The following PLSCR2 variants were observed in gnomAD, a reference collection of about 807,000 sequenced individuals.
The protein encoded by PLSCR2 is phospholipid scramblase 2, also known as PL scramblase 2.
In PLSCR2, 18 loss-of-function variants were observed where a neutral mutation model predicts 25.3. The ratio of observed to expected loss-of-function variants is 0.71; its 90% CI spans 0.49 to 1.06. The LOEUF (loss-of-function observed/expected upper bound fraction) is 1.06, where lower values mean the gene tolerates loss of function less well. Among genes scored for constraint, PLSCR2 ranks in the 50% least tolerant of loss-of-function variants. The pLI is 0.00. For synonymous variants in PLSCR2, 88 were observed against 87.3 expected (o/e 1.01, Z -0.04); for missense variants, 243 against 269.5 (o/e 0.90, Z 0.69).
At chr3:146,414,390 T>C (rs1219127997) in intron 2 of PLSCR2, among the ~76,000 whole-genome samples, 1 of 152,222 alleles carries the variant, frequency 6.6e-6, no homozygotes, top group Non-Finnish European at 1.5e-5. Flanking sequence ...GGCTAGCATA[T>C]ACCTTGTTTA....
downstream of PLSCR2, among the ~76,000 whole-genome samples, chr3:146,429,109 A>C (rs2039456654): frequency 6.6e-6 from 1 of 152,216 alleles, no homozygotes; most frequent in Non-Finnish European, 1.5e-5. Context: ...TTTATAAAGA[A>C]AAGAGGTTTA....
intron 1 of PLSCR2, among the ~76,000 whole-genome samples, chr3:146,484,887 C>T (rs577842): frequency 0.36 from 54,971 of 151,664 alleles, 10,440 homozygotes; most frequent in African/African-American, 0.49. Context: ...AACTAGTGTC[C>T]AATATAACCA....
rs115345019 is a variant in PLSCR2 at position 146,495,577 on chromosome 3, C to T, written c.-293+318G>A. On this transcript the variant is annotated intron_variant, in intron 1 of 8. Coordinates refer to the PLSCR2 transcript ENST00000336685. ...AATAGACCCCAGAAAGACCCCTCCC[C>T]GCTTCTGCCCTGTGAGGTTACAGTG... 7.1e-3 allele frequency among the ~76,000 whole-genome samples: 1,080 copies of T among 152,222 alleles called. 11 individuals carry two copies. Among genetic ancestry groups the T allele is most frequent in the African/African-American group, 0.025 (1,025 of 41,520 alleles).
At chr3:146,469,420 G>C in intron 1 of PLSCR2, 75 bp downstream of exon 1, 13 of 912,366 alleles carry the variant, frequency 1.4e-5, no homozygotes, top group Non-Finnish European at 1.7e-5. Context: ...CACAATTATG[G>C]GGCGGAGCAT....
chr3:146,472,906 C>A (rs1016687641), intron 1 of PLSCR2, among the ~76,000 whole-genome samples: 7 of 152,232 alleles, frequency 4.6e-5, no homozygotes, highest in African/African-American at 1.4e-4. Context: ...TGAAGCCTCT[C>A]TGGCTTGCAG....
chr3:146,486,090 G>A (rs1158745455), intron 1 of PLSCR2, among the ~76,000 whole-genome samples: 1 of 152,046 alleles, frequency 6.6e-6, no homozygotes, highest in Non-Finnish European at 1.5e-5. Flanking sequence ...TGAAATTAAG[G>A]CAGAAATCAA....
In PLSCR2 at chr3:146,449,439, G is replaced by A. The variant is rs543311785; in HGVS notation, c.484-72C>T. 55 of 995,820 alleles carry A rather than the reference G, an allele frequency of 5.5e-5. No homozygotes were observed. The South Asian group carries it at 8.3e-4, about 15-fold the overall frequency. 61.7% of individuals were successfully genotyped at this position (995,820 alleles called of 1,614,324 possible). A position where few individuals can be genotyped will look rare whatever the true frequency, so the allele number is the denominator to read the frequency against. ...TAGCAAAATTACTTTTAACACTGGAGTAAAAGGAAGGAAATATTATAGTAC... is the reference window on the plus strand; with the variant it reads ...TAGCAAAATTACTTTTAACACTGGAATAAAAGGAAGGAAATATTATAGTAC... On this transcript the variant is annotated intron_variant, in intron 5 of 6. Coordinates refer to ENST00000610787, the Ensembl canonical transcript of PLSCR2.
chr3:146,459,984 T>C lies in PLSCR2; in HGVS notation c.-80A>G. On this transcript the variant is annotated 5_prime_UTR_variant, in exon 2 of 7. The change abolishes an upstream ATG in the 5' untranslated region. Coordinates refer to ENST00000610787, the Ensembl canonical transcript of PLSCR2. Reference sequence around the variant, plus strand: ...GCCAGCAGGTGGGACTAGGTAGTCATGCTGACGTCCTGGGTAGAAGGCCTG... The same window carrying C: ...GCCAGCAGGTGGGACTAGGTAGTCACGCTGACGTCCTGGGTAGAAGGCCTG... 6.2e-7 allele frequency: 1 copy of C among 1,613,690 alleles called. No individual in the cohort carries two copies.
downstream of PLSCR2, among the ~76,000 whole-genome samples, chr3:146,441,024 G>A (rs766184770): frequency 6.6e-5 from 10 of 152,042 alleles, no homozygotes; most frequent in Non-Finnish European, 1.5e-5. Context: ...ATTTTAGAAT[G>A]AGTCTGTCTT....
rs574952288 is a variant in PLSCR2, at chr3:146,412,694, C to G, written c.101-16773G>C. 1.7e-4 allele frequency among the ~76,000 whole-genome samples: 26 copies of G among 152,282 alleles called. 1 individual carries two copies. In the South Asian group the frequency reaches 5.4e-3, roughly 32 times the overall value. On this transcript the variant is annotated intron_variant and NMD_transcript_variant, in intron 2 of 3. Coordinates refer to the PLSCR2 transcript ENST00000463633. ...TGGATAGAGCAATGACAAGAGCACA[C>G]CTGAACAAGGGAGGGGAAGAGGTTC...
chr3:146,412,842 G>T (rs115458938), intron 2 of PLSCR2, among the ~76,000 whole-genome samples: 6,236 of 152,180 alleles, frequency 0.041, 180 homozygotes, highest in Admixed American at 0.088. Flanking sequence ...AGCTGGAGTG[G>T]TGGGGTGAGT....
chr3:146,458,459 A>T lies in PLSCR2; in HGVS notation c.58-6T>A. 6.9e-7 allele frequency: 1 copy of T among 1,444,786 alleles called. No individual in the cohort carries two copies. Among genetic ancestry groups the T allele is most frequent in the Non-Finnish European group, 9.3e-7 (1 of 1,071,914 alleles). The allele number at this position is 1,444,786 out of a possible 1,614,324, so 89.5% of individuals were successfully genotyped here. On this transcript the variant is annotated splice_polypyrimidine_tract_variant and splice_region_variant and intron_variant, in intron 2 of 6. Transcript: ENST00000610787. ...TGAATTAGTATCATATCTATCTATT[A>T]TAGTAAAAAGAAAATGAAGTTGTAT...
chr3:146,493,162 T>TA (rs576928927), intron 1 of PLSCR2, among the ~76,000 whole-genome samples: 171 of 151,986 alleles, frequency 1.1e-3, no homozygotes, highest in Non-Finnish European at 1.5e-3. Context: ...GAATGAGTAA[T>TA]AAAAAACCTA....
At chr3:146,408,094 A>T (rs1415654210) in intron 2 of PLSCR2, among the ~76,000 whole-genome samples, 1 of 152,168 alleles carries the variant, frequency 6.6e-6, no homozygotes, top group Non-Finnish European at 1.5e-5. Flanking sequence ...TCTCTACAGC[A>T]TGAGGAGCCG....
At chr3:146,465,823 T>C (rs1050108574) in intron 1 of PLSCR2, among the ~76,000 whole-genome samples, 3 of 152,226 alleles carry the variant, frequency 2.0e-5, no homozygotes, top group Non-Finnish European at 4.4e-5. Flanking sequence ...TTCACATCAT[T>C]CAGTTACATG....
downstream of PLSCR2, among the ~76,000 whole-genome samples, chr3:146,432,566 A>C (rs912816239): frequency 6.6e-6 from 1 of 152,200 alleles, no homozygotes; most frequent in South Asian, 2.1e-4. Context: ...AAATTCCTGC[A>C]GTGGTAAGGT....
intron 1 of PLSCR2, among the ~76,000 whole-genome samples, chr3:146,482,594 G>A (rs1232152435): frequency 1.3e-5 from 2 of 152,238 alleles, no homozygotes; most frequent in Non-Finnish European, 2.9e-5. Flanking sequence ...TGGATAGGAT[G>A]TGGAGAAATA....
At chr3:146,484,282 G>A (rs577507618) in intron 1 of PLSCR2, among the ~76,000 whole-genome samples, 64 of 150,650 alleles carry the variant, frequency 4.2e-4, no homozygotes, top group African/African-American at 1.4e-3. Context: ...GACAACTATG[G>A]GATTACGAAA....
chr3:146,434,470 G>C (rs560804852), intron 8 of PLSCR2, among the ~76,000 whole-genome samples: 29 of 152,124 alleles, frequency 1.9e-4, no homozygotes, highest in African/African-American at 7.0e-4. Context: ...AAGAAACCAT[G>C]ACATAGCCAC....
Sources: gnomAD v4.1 joint callset for allele counts (sites outside exome capture counted in the v4.1 genomes callset) on GRCh38, gnomAD v4.1.1 for gene constraint, MANE v1.5 for transcripts, NCBI Gene and HGNC (gene_info 2026-07-23, HGNC 2026-07-21) for gene names.